The following PPP3CA variants were observed in gnomAD, a reference collection of about 807,000 sequenced individuals.
PPP3CA encodes CAM-PRP catalytic subunit.
In PPP3CA, 14 loss-of-function variants were observed where a neutral mutation model predicts 66.5. The ratio of observed to expected loss-of-function variants is 0.21; its 90% CI spans 0.14 to 0.33. The LOEUF is 0.33. Among genes scored for constraint, PPP3CA ranks in the 10% least tolerant of loss-of-function variants. PPP3CA has a pLI of 1.00. For missense variants in PPP3CA, 317 were observed against 639.5 expected (o/e 0.50, Z 5.44); for synonymous variants, 232 against 226.2 (o/e 1.03, Z -0.23).
Position 101,143,448 on chromosome 4 carries a change from A to C in PPP3CA, c.260-34370T>G, listed in dbSNP as rs1353921122. Reference sequence around the variant, plus strand: ...TATAGCTCCTCAGTCAAGCTACCTGAAAGACTAGTCCACCCTGAGTATCTT... The same window carrying C: ...TATAGCTCCTCAGTCAAGCTACCTGCAAGACTAGTCCACCCTGAGTATCTT... On this transcript the variant is annotated intron_variant, in intron 2 of 13. Coordinates refer to ENST00000394854, the MANE Select transcript of PPP3CA (RefSeq NM_000944.5). 2.6e-5 allele frequency among the ~76,000 whole-genome samples: 4 copies of C among 152,138 alleles called. No homozygotes were observed. In the East Asian group the frequency reaches 7.7e-4, roughly 29 times the overall value.
Position 101,261,168 on chromosome 4 carries a change from T to C in PPP3CA, c.59-65052A>G, listed in dbSNP as rs772449659. ...TCAGGTAGGTACCATTCATATCTCCTAGAAATAAGGAGCTGAGGTCTGGCT... is the reference window on the plus strand; with the variant it reads ...TCAGGTAGGTACCATTCATATCTCCCAGAAATAAGGAGCTGAGGTCTGGCT... On this transcript the variant is annotated intron_variant, in intron 1 of 13. Transcript: ENST00000394854. Among the ~76,000 whole-genome samples the C allele has an allele frequency of 2.6e-5, 4 of 152,144 alleles. 1 individual carries two copies. The highest frequency in any genetic ancestry group is 7.2e-5 in the African/African-American group (3 of 41,438).
At chr4:101,285,593 GTGTGTA>G (rs1358668226) in intron 1 of PPP3CA, among the ~76,000 whole-genome samples, 1,476 of 124,452 alleles carry the variant, frequency 0.012, 20 homozygotes, top group African/African-American at 0.039. Flanking sequence ...AAATGCCACT[GTGTGTA>G]TGTGTGTGTG....
intron 11 of PPP3CA, among the ~76,000 whole-genome samples, chr4:101,040,196 A>C (rs1422511015): frequency 2.0e-5 from 3 of 152,228 alleles, no homozygotes; most frequent in Admixed American, 6.5e-5. Context: ...TAAGATATTC[A>C]ACCTACCGTG....
chr4:101,028,106 A>G (rs1726753681), intron 13 of PPP3CA, among the ~76,000 whole-genome samples: 1 of 152,158 alleles, frequency 6.6e-6, no homozygotes, highest in South Asian at 2.1e-4. Flanking sequence ...CCATATCCAA[A>G]TCATGTACAA....
intron 2 of PPP3CA, among the ~76,000 whole-genome samples, chr4:101,152,593 C>G (rs1469096793): frequency 6.6e-6 from 1 of 152,082 alleles, no homozygotes; most frequent in Non-Finnish European, 1.5e-5. Context: ...ATATAAAATG[C>G]AATAACATAA....
chr4:101,169,190 T>C (rs1472842110), intron 2 of PPP3CA, among the ~76,000 whole-genome samples: 3 of 152,212 alleles, frequency 2.0e-5, no homozygotes, highest in African/African-American at 7.2e-5. Flanking sequence ...TCAAACTGAG[T>C]GCCTAGTATG....
rs140003651 is a variant in PPP3CA, at chr4:101,346,785, G to A, written c.12C>T (p.Pro4=). The change falls in exon 1 of 14, where the codon CCC becomes CCT. Residue 4 remains proline (P), a synonymous_variant. Coordinates refer to ENST00000394854, the MANE Select transcript of PPP3CA (RefSeq NM_000944.5). ...TCGACAACTTGGGATCAATTGCCTT[G>A]GGCTCGGACATCTCCAGCTGCCGGA... is the stretch of plus-strand genomic sequence containing the variant. The part of the protein sequence containing the change: MSE[P]KAIDPKLSTT... The A allele has an allele frequency of 9.9e-5, 159 of 1,611,252 alleles. No individual in the cohort carries two copies. The highest frequency in any genetic ancestry group is 1.6e-4 in the Middle Eastern group (1 of 6,080).
At chr4:101,037,920 GA>G (rs1727324257) in intron 11 of PPP3CA, among the ~76,000 whole-genome samples, 1 of 152,154 alleles carries the variant, frequency 6.6e-6, no homozygotes, top group South Asian at 2.1e-4. Flanking sequence ...GTATTGCTAA[GA>G]ATTTATACTA....
At chr4:101,189,788 T>A (rs957732931) in intron 2 of PPP3CA, among the ~76,000 whole-genome samples, 1 of 150,414 alleles carries the variant, frequency 6.6e-6, no homozygotes, top group East Asian at 1.9e-4. Flanking sequence ...AAAATTATGA[T>A]CTACTGTCAC....
intron 1 of PPP3CA, among the ~76,000 whole-genome samples, chr4:101,239,468 AAAC>A (rs1167796482): frequency 1.3e-5 from 2 of 152,106 alleles, no homozygotes; most frequent in African/African-American, 4.8e-5. Flanking sequence ...TTCCAGAAGA[AAAC>A]AATTCCACTT....
At chr4:101,122,407 GGTACAT>G (rs1233620107) in intron 2 of PPP3CA, among the ~76,000 whole-genome samples, 1 of 152,100 alleles carries the variant, frequency 6.6e-6, no homozygotes, top group Non-Finnish European at 1.5e-5. Flanking sequence ...TGTGTACACA[GGTACAT>G]GTGTGCATAT....
At chr4:101,145,732 T>C (rs1456609421) in intron 2 of PPP3CA, among the ~76,000 whole-genome samples, 3 of 152,144 alleles carry the variant, frequency 2.0e-5, no homozygotes, top group Non-Finnish European at 2.9e-5. Context: ...AATTACATGT[T>C]ACTGGAAAGC....
chr4:101,230,867 C>T (rs373184505), intron 1 of PPP3CA, among the ~76,000 whole-genome samples: 21 of 151,920 alleles, frequency 1.4e-4, no homozygotes, highest in African/African-American at 5.1e-4. Flanking sequence ...TTCCTGAATA[C>T]ATCACAATCG....
Position 101,347,090 on chromosome 4 carries a change from G to A in PPP3CA, c.-294C>T, listed in dbSNP as rs887533300. 1.9e-6 allele frequency: 1 copy of A among 532,364 alleles called. No homozygotes were observed. Among genetic ancestry groups the A allele is most frequent in the African/African-American group, 2.0e-5 (1 of 48,928 alleles). 33.0% of individuals were successfully genotyped at this position (532,364 alleles called of 1,614,324 possible). A position where few individuals can be genotyped will look rare whatever the true frequency, so the allele number is the denominator to read the frequency against. ...ATTTATTTTCTGAGCACGCCTCCCG[G>A]TTCTTCTTTTATTCTTGGGGGAAGG... On this transcript the variant is annotated 5_prime_UTR_variant, in exon 1 of 14. Coordinates refer to ENST00000394854, the MANE Select transcript of PPP3CA (RefSeq NM_000944.5).
At chr4:101,122,939 T>C (rs1400082232) in intron 2 of PPP3CA, among the ~76,000 whole-genome samples, 2 of 152,178 alleles carry the variant, frequency 1.3e-5, no homozygotes, top group Non-Finnish European at 2.9e-5. Context: ...GGTATTATGA[T>C]GGTGGCAGTG....
Position 101,094,308 on chromosome 4 carries a change from T to C in PPP3CA, c.643-393A>G, listed in dbSNP as rs1255921615. Among the ~76,000 whole-genome samples, 5 of 152,222 alleles carry C rather than the reference T, an allele frequency of 3.3e-5. No homozygotes were observed. In the East Asian group the frequency reaches 9.6e-4, roughly 29 times the overall value. Reference sequence around the variant, plus strand: ...TTATTATGACTCTACCCCTGTTTCATTTATTGAGAATTACTTTCTTTGGGA... The same window carrying C: ...TTATTATGACTCTACCCCTGTTTCACTTATTGAGAATTACTTTCTTTGGGA... On this transcript the variant is annotated intron_variant, in intron 5 of 13. Transcript: ENST00000394854.
At chr4:101,332,033 TG>T (rs1410208195) in intron 1 of PPP3CA, among the ~76,000 whole-genome samples, 3 of 152,186 alleles carry the variant, frequency 2.0e-5, no homozygotes, top group African/African-American at 7.2e-5. Context: ...ACACTGATGT[TG>T]GGAGGCTCCT....
intron 1 of PPP3CA, among the ~76,000 whole-genome samples, chr4:101,326,627 T>C (rs548834957): frequency 6.6e-6 from 1 of 152,242 alleles, no homozygotes; most frequent in African/African-American, 2.4e-5. Context: ...CAGCAACAGG[T>C]AGCATTTAAT....
At chr4:101,047,353 C>T (rs147847404) in intron 10 of PPP3CA, among the ~76,000 whole-genome samples, 2 of 152,156 alleles carry the variant, frequency 1.3e-5, no homozygotes, top group East Asian at 3.9e-4. Context: ...ATAATATCCC[C>T]AAAGAATACT....
Sources: gnomAD v4.1 joint callset for allele counts (sites outside exome capture counted in the v4.1 genomes callset) on GRCh38, gnomAD v4.1.1 for gene constraint, MANE v1.5 for transcripts, NCBI Gene and HGNC (gene_info 2026-07-23, HGNC 2026-07-21) for gene names.